The following SUPT7L variants were observed in gnomAD, a reference collection of about 807,000 sequenced individuals.
SUPT7L encodes SPT7 like, STAGA complex subunit gamma.
In SUPT7L, 15 loss-of-function variants were observed where a neutral mutation model predicts 35.7. That is an observed-to-expected ratio of 0.42 (90% confidence interval 0.28 to 0.65). SUPT7L has a LOEUF of 0.65. Ranked by LOEUF, SUPT7L falls within the 30% of genes least tolerant of loss-of-function variation. The pLI is 0.23. For synonymous variants in SUPT7L, 168 were observed against 186.2 expected, an observed-to-expected ratio of 0.90 and a Z score of 0.79; for missense variants, 434 against 522.2, an observed-to-expected ratio of 0.83 and a Z score of 1.65.
the SUPT7L span, among the ~76,000 whole-genome samples, chr2:27,644,073 G>A: frequency 2.0e-5 from 3 of 152,062 alleles, no homozygotes; most frequent in Non-Finnish European, 4.4e-5. Flanking sequence ...CCAGCTACTC[G>A]CTGAGGCTGG....
Position 27,655,374 on chromosome 2 carries a change from G to A in SUPT7L, c.973C>T (p.Gln325Ter). The change falls in exon 5 of 6, where the codon CAG becomes TAG. Residue 325 changes from glutamine to a stop codon, truncating the protein, a stop_gained. Coordinates refer to ENST00000337768, the MANE Select transcript of SUPT7L (RefSeq NM_014860.3). LOFTEE classifies it high-confidence loss of function. The part of the protein sequence containing the change: ...PSNLEVEASP[Q>*]ASSAEVNASP... Reference sequence around the variant, plus strand: ...AGTTTATTTGTCTTACTTGAAGCCTGTGGTGAAGCTTCAACCTCCAGGTTA... The same window carrying A: ...AGTTTATTTGTCTTACTTGAAGCCTATGGTGAAGCTTCAACCTCCAGGTTA... 1 of 1,564,314 alleles carries A rather than the reference G, an allele frequency of 6.4e-7. No individual in the cohort carries two copies. Among genetic ancestry groups the A allele is most frequent in the Non-Finnish European group, 8.6e-7 (1 of 1,157,474 alleles).
In SUPT7L at chr2:27,653,261, A is replaced by G. The variant is rs904202301; in HGVS notation, c.*224T>C. 3.5e-6 allele frequency: 2 copies of G among 572,404 alleles called. No individual in the cohort carries two copies. Among genetic ancestry groups the G allele is most frequent in the Middle Eastern group, 4.9e-4 (1 of 2,042 alleles). 35.5% of individuals were successfully genotyped at this position (572,404 alleles called of 1,614,324 possible). ...TTGGTCTGATTGCCATGCCAGCATC[A>G]TATTTTATCTGTGAAGGGTGGCTTG... On this transcript the variant is annotated 3_prime_UTR_variant, in exon 6 of 6. Coordinates refer to ENST00000337768, the MANE Select transcript of SUPT7L (RefSeq NM_014860.3).
Position 27,655,361 on chromosome 2 carries a change from T to C in SUPT7L, c.982+4A>G. On this transcript the variant is annotated splice_donor_region_variant and intron_variant, in intron 5 of 5. Coordinates refer to ENST00000337768, the MANE Select transcript of SUPT7L (RefSeq NM_014860.3). ...ATCAAAGTGAGTAAGTTTATTTGTC[T>C]TACTTGAAGCCTGTGGTGAAGCTTC... 2 of 1,537,454 alleles carry C rather than the reference T, an allele frequency of 1.3e-6. No homozygotes were observed. The highest frequency in any genetic ancestry group is 1.7e-6 in the Non-Finnish European group (2 of 1,144,936).
At chr2:27,655,912 C>T (rs777109738) in intron 4 of SUPT7L, among the ~76,000 whole-genome samples, 4 of 151,818 alleles carry the variant, frequency 2.6e-5, no homozygotes, top group African/African-American at 4.8e-5. Flanking sequence ...AGGCTGGGCA[C>T]GGTCATTCAC....
chr2:27,663,578 G>C lies in SUPT7L; in HGVS notation c.-339C>G. 3.3e-6 allele frequency: 2 copies of C among 612,928 alleles called. No homozygotes were observed. The highest frequency in any genetic ancestry group is 5.7e-6 in the Non-Finnish European group (2 of 351,484). The allele number at this position is 612,928 out of a possible 1,614,324, so 38.0% of individuals were successfully genotyped here. On this transcript the variant is annotated 5_prime_UTR_variant, in exon 1 of 6. Coordinates refer to ENST00000337768, the MANE Select transcript of SUPT7L (RefSeq NM_014860.3). ...TCGAGAGGCCTGAGGCAAGGATCGC[G>C]TCAGACCCCGAAAGCTGGTTTGTTG...
Position 27,661,204 on chromosome 2 carries a change from T to C in SUPT7L, c.199A>G (p.Ile67Val). 1 of 1,614,046 alleles carries C rather than the reference T, an allele frequency of 6.2e-7. No homozygotes were observed. The highest frequency in any genetic ancestry group is 8.5e-7 in the Non-Finnish European group (1 of 1,179,988). ...SEPCSLTIHT[I>V]QLIQHNRRLR... ...CGTCGGTTGTGCTGAATCAACTGAA[T>C]CGTATGGATGGTGAGACTACATGGC... The change falls in exon 3 of 6, where the codon ATT becomes GTT. Residue 67 changes from isoleucine to valine, a missense_variant. Physicochemically the swap from Ile to Val is conservative, Grantham distance 29. Around this residue, in one of 3 missense-constraint regions of SUPT7L, gnomAD observed 77 missense variants for 114.4 expected, o/e 0.67. Transcript: ENST00000337768.
downstream of SUPT7L, among the ~76,000 whole-genome samples, chr2:27,647,218 A>T (rs1674279263): frequency 6.6e-6 from 1 of 152,194 alleles, no homozygotes; most frequent in Non-Finnish European, 1.5e-5. Context: ...CTGAAGAGAG[A>T]GTGACTATGT....
downstream of SUPT7L, chr2:27,650,267 T>C (rs544797722): frequency 1.3e-5 from 11 of 870,152 alleles, no homozygotes; most frequent in Non-Finnish European, 1.9e-5. Flanking sequence ...GAAAGAACTG[T>C]TCTTACCTCT....
intron 5 of SUPT7L, among the ~76,000 whole-genome samples, 161 bp from the exon 6 acceptor site, chr2:27,653,908 CA>C (rs1335657842): frequency 6.6e-6 from 1 of 152,182 alleles, no homozygotes; most frequent in Non-Finnish European, 1.5e-5. Flanking sequence ...CTCTCTGCTT[CA>C]AAAAGTTAAC....
intron 5 of SUPT7L, among the ~76,000 whole-genome samples, 200 bp from the exon 6 acceptor site, chr2:27,653,947 ATCT>A (rs1229915816): frequency 6.6e-6 from 1 of 152,158 alleles, no homozygotes; most frequent in Non-Finnish European, 1.5e-5. Flanking sequence ...AGCTCTGATT[ATCT>A]TCTTTTCCAT....
chr2:27,643,183 T>A, the SUPT7L span, among the ~76,000 whole-genome samples: 1 of 150,888 alleles, frequency 6.6e-6, no homozygotes, highest in African/African-American at 2.4e-5. The surrounding 1 kb of genome is among the most constrained non-coding windows in gnomAD (Gnocchi z 4.0). Flanking sequence ...CAATTTTTTT[T>A]ATAATTAAAA....
At chr2:27,648,833 C>T (rs540904487), downstream of SUPT7L, among the ~76,000 whole-genome samples, 9 of 151,988 alleles carry the variant, frequency 5.9e-5, no homozygotes, top group South Asian at 2.1e-4. Flanking sequence ...GACGGGGTTT[C>T]GCCATGTTGG....
chr2:27,647,183 G>A (rs1170447853), downstream of SUPT7L, among the ~76,000 whole-genome samples: 1 of 152,136 alleles, frequency 6.6e-6, no homozygotes, highest in East Asian at 1.9e-4. Context: ...TTCCCTAGCT[G>A]AGCTCTCGCA....
In SUPT7L at chr2:27,655,400, G is replaced by C; in HGVS notation, c.947C>G (p.Ser316Cys). The C allele has an allele frequency of 6.2e-7, 1 of 1,601,160 alleles. No homozygotes were observed. The highest frequency in any genetic ancestry group is 1.3e-5 in the African/African-American group (1 of 74,406). Residue 316 changes from serine to cysteine, a missense_variant, in exon 5 of 6, where the codon TCT becomes TGT. Around this residue, in one of 3 missense-constraint regions of SUPT7L, gnomAD observed 159 missense variants for 217.1 expected, o/e 0.73. Coordinates refer to ENST00000337768, the MANE Select transcript of SUPT7L (RefSeq NM_014860.3). ...TGGTGAAGCTTCAACCTCCAGGTTA[G>C]ATGGGAAGCGTTCGCTCTGAGCCCC... Reference protein sequence around the residue: ...VLGAQSERFPSNLEVEASPQA... With the variant: ...VLGAQSERFPCNLEVEASPQA...
intron 3 of SUPT7L, among the ~76,000 whole-genome samples, chr2:27,659,233 T>C (rs1255895975): frequency 3.3e-5 from 5 of 152,226 alleles, no homozygotes; most frequent in Admixed American, 6.5e-5. Context: ...ACAATGGACC[T>C]TGATATAATC....
At chr2:27,661,549 C>T (rs957055391) in intron 2 of SUPT7L, 161 bp from the exon 3 acceptor site, 4 of 1,434,444 alleles carry the variant, frequency 2.8e-6, no homozygotes, top group South Asian at 3.0e-5. Context: ...CTATTTGTGA[C>T]CACTTAGAAA....
In SUPT7L at chr2:27,655,425, C is replaced by G; in HGVS notation, c.922G>C (p.Gly308Arg). ...GATGGGAAGCGTTCGCTCTGAGCCC[C>G]AAGCACTCCCATAGGCAGTGACTGG... Reference protein sequence around the residue: ...GDQSLPMGVLGAQSERFPSNL... With the variant: ...GDQSLPMGVLRAQSERFPSNL... The change falls in exon 5 of 6, where the codon GGG becomes CGG. Residue 308 changes from glycine (G) to arginine (R), a missense_variant. This residue lies in a region of SUPT7L where 159 missense variants were observed against 217.1 expected (regional missense o/e 0.73). Transcript: ENST00000337768. 1 of 1,613,014 alleles carries G rather than the reference C, an allele frequency of 6.2e-7. No homozygotes were observed.
chr2:27,642,958 TAC>T, the SUPT7L span, among the ~76,000 whole-genome samples: 1,711 of 122,620 alleles, frequency 0.014, 23 homozygotes, highest in African/African-American at 0.047. Flanking sequence ...TATATATATA[TAC>T]ACACACACAC....
At chr2:27,642,958 T>TACACACACACACACACACACAC in the SUPT7L span, among the ~76,000 whole-genome samples, 1 of 122,610 alleles carries the variant, frequency 8.2e-6, no homozygotes, top group Admixed American at 9.2e-5. Context: ...TATATATATA[T>TACACACACACACACACACACAC]ACACACACAC....
Sources: gnomAD v4.1 joint callset for allele counts (sites outside exome capture counted in the v4.1 genomes callset) on GRCh38, gnomAD v4.1.1 for gene constraint, gnomAD v4.1.1 regional missense constraint, Gnocchi (gnomAD v3.1) non-coding constraint, MANE v1.5 for transcripts, NCBI Gene and HGNC (gene_info 2026-07-23, HGNC 2026-07-21) for gene names.